The following MICU3 variants were observed in gnomAD, a reference collection of about 807,000 sequenced individuals.
MICU3 encodes calcium uptake protein 3, mitochondrial.
In MICU3, 62 loss-of-function variants were observed where a neutral mutation model predicts 66.5. The observed-to-expected ratio is 0.93, with a 90% confidence interval of 0.76 to 1.15. The LOEUF (loss-of-function observed/expected upper bound fraction) is 1.15, where lower values mean the gene tolerates loss of function less well. Ranked by LOEUF, MICU3 falls within the 50% of genes most tolerant of loss-of-function variation. The pLI, the probability that MICU3 is intolerant of heterozygous loss-of-function variation, is 0.00. For missense variants in MICU3, 779 were observed against 664.4 expected, an observed-to-expected ratio of 1.17 and a Z score of -1.90; for synonymous variants, 308 against 240.7, an observed-to-expected ratio of 1.28 and a Z score of -2.59.
intron 5 of MICU3, among the ~76,000 whole-genome samples, chr8:17,084,161 A>G (rs538909505): frequency 9.9e-5 from 15 of 152,262 alleles, no homozygotes; most frequent in African/African-American, 3.4e-4. Context: ...TTACCTATCT[A>G]TAAGTGTCTC....
At chr8:17,077,379 C>T (rs947177503) in intron 3 of MICU3, among the ~76,000 whole-genome samples, 3 of 152,132 alleles carry the variant, frequency 2.0e-5, no homozygotes, top group African/African-American at 7.2e-5. Context: ...AGAGACATTA[C>T]GTGAAGCCGG....
rs1820633363 is a variant in MICU3 at position 17,077,975 on chromosome 8, A to T, written c.646+114A>T. 4 of 532,670 alleles carry T rather than the reference A, an allele frequency of 7.5e-6. No homozygotes were observed. In the South Asian group the frequency reaches 1.8e-4, roughly 24 times the overall value. The allele number at this position is 532,670 out of a possible 1,614,324, so 33.0% of individuals were successfully genotyped here. A position where few individuals can be genotyped will look rare whatever the true frequency, so the allele number is the denominator to read the frequency against. On this transcript the variant is annotated intron_variant, in intron 4 of 14. Transcript: ENST00000318063. ...TTAAATTACATCTATGTGTATGCAT[A>T]GAGAAAAAACTGAAGAAGAAAACAG...
intron 4 of MICU3, among the ~76,000 whole-genome samples, chr8:17,081,272 T>A (rs78223679): frequency 0.039 from 5,906 of 152,222 alleles, 162 homozygotes; most frequent in Non-Finnish European, 0.057. Context: ...TTTATCCAAG[T>A]GTTACTAAAA....
the MICU3 span, among the ~76,000 whole-genome samples, chr8:17,127,797 A>G: frequency 6.6e-6 from 1 of 152,212 alleles, no homozygotes; most frequent in Admixed American, 6.5e-5. Context: ...CTGCTCCACA[A>G]TAGCTAAACC....
At chr8:17,079,521 T>C (rs887153071) in intron 4 of MICU3, among the ~76,000 whole-genome samples, 1 of 152,100 alleles carries the variant, frequency 6.6e-6, no homozygotes, top group African/African-American at 2.4e-5. Flanking sequence ...TATTGAAGAC[T>C]AATTTTATTT....
chr8:17,106,924 G>A (rs1475243050), intron 11 of MICU3, among the ~76,000 whole-genome samples: 2 of 151,834 alleles, frequency 1.3e-5, no homozygotes, highest in Non-Finnish European at 2.9e-5. Context: ...CCCTCCTTCC[G>A]CCTACTTAAC....
At chr8:17,122,830 A>C (rs1385490240), downstream of MICU3, among the ~76,000 whole-genome samples, 1 of 152,018 alleles carries the variant, frequency 6.6e-6, no homozygotes, top group African/African-American at 2.4e-5. Context: ...CAGAGCTATA[A>C]GGCTTCTCAA....
At chr8:17,115,118 CAAA>C (rs11312297) in intron 12 of MICU3, among the ~76,000 whole-genome samples, 6 of 123,540 alleles carry the variant, frequency 4.9e-5, no homozygotes, top group Admixed American at 8.0e-5. Flanking sequence ...GACTCCGTCT[CAAA>C]AAAAAAAAAA....
At chr8:17,087,713 A>G (rs1799618790) in intron 7 of MICU3, among the ~76,000 whole-genome samples, 1 of 152,074 alleles carries the variant, frequency 6.6e-6, no homozygotes, top group Non-Finnish European at 1.5e-5. Context: ...CCATAATTAT[A>G]GATGAGGAAA....
chr8:17,069,617 T>C, intron 2 of MICU3, 71 bp from the exon 3 acceptor site: 1 of 956,288 alleles, frequency 1.0e-6, no homozygotes, highest in Non-Finnish European at 1.5e-6. Context: ...TGGTTGTAGA[T>C]GGTTAGCAAA....
chr8:17,043,771 C>G (rs1814610732), intron 1 of MICU3, among the ~76,000 whole-genome samples: 1 of 152,134 alleles, frequency 6.6e-6, no homozygotes. Flanking sequence ...ACATAAAAGT[C>G]AAGTAAGAGT....
At chr8:17,086,062 A>G (rs1329209370) in intron 6 of MICU3, among the ~76,000 whole-genome samples, 1 of 151,932 alleles carries the variant, frequency 6.6e-6, no homozygotes, top group African/African-American at 2.4e-5. Context: ...CTCTGTCTTT[A>G]CCTACACTCT....
At position 17,049,347 on chromosome 8, in the gene MICU3, G is replaced by C. The variant is rs545141660; in HGVS notation, c.382-14737G>C. On this transcript the variant is annotated intron_variant, in intron 1 of 14. Coordinates refer to ENST00000318063, the MANE Select transcript of MICU3 (RefSeq NM_181723.3). ...AACTTATAGTGCCACAGAGGTTCTA[G>C]ATATTTATAAACTTTGTGCCTGGAG... Among the ~76,000 whole-genome samples, 32 of 152,270 alleles carry C rather than the reference G, an allele frequency of 2.1e-4. No individual in the cohort carries two copies. In the South Asian group the frequency reaches 6.4e-3, roughly 31 times the overall value.
At chr8:17,029,783 G>A (rs986939872) in intron 1 of MICU3, among the ~76,000 whole-genome samples, 8 of 152,146 alleles carry the variant, frequency 5.3e-5, no homozygotes, top group African/African-American at 1.7e-4. Flanking sequence ...ATGGAAATCC[G>A]TGTCTAAAAA....
intron 2 of MICU3, among the ~76,000 whole-genome samples, chr8:17,067,098 A>ACAATCAAAAAAGAT (rs147178779): frequency 0.039 from 5,919 of 152,312 alleles, 171 homozygotes; most frequent in Non-Finnish European, 0.059. Flanking sequence ...ATAATTAGGA[A>ACAATCAAAAAAGAT]CAATCACAAA....
the MICU3 span, chr8:17,131,577 G>C: frequency 6.6e-6 from 1 of 152,352 alleles, no homozygotes; most frequent in Non-Finnish European, 1.5e-5. Context: ...GTGGGGAGCA[G>C]TGACTTGGTT....
intron 4 of MICU3, 24 bp downstream of exon 4, chr8:17,077,885 CT>C (rs35482790): frequency 4.0e-6 from 6 of 1,481,932 alleles, no homozygotes; most frequent in African/African-American, 1.4e-5. Context: ...AGTACTTGTT[CT>C]TTTTTTAAAC....
chr8:17,048,784 C>T (rs191369455), intron 1 of MICU3, among the ~76,000 whole-genome samples: 2 of 152,096 alleles, frequency 1.3e-5, no homozygotes, highest in East Asian at 3.9e-4. Flanking sequence ...CCAGCTGATA[C>T]ATTTTTAAAA....
intron 8 of MICU3, among the ~76,000 whole-genome samples, chr8:17,095,808 CCCTTTCAGTCATATATGGCATGGAATG>C (rs1800616984): frequency 6.6e-6 from 1 of 151,786 alleles, no homozygotes; most frequent in African/African-American, 2.4e-5. Flanking sequence ...CTGCCTTCCT[CCCTTTCAGTCATATATGGCATGGAATG>C]CCTTGAATGG....
Sources: gnomAD v4.1 joint callset for allele counts (sites outside exome capture counted in the v4.1 genomes callset) on GRCh38, gnomAD v4.1.1 for gene constraint, MANE v1.5 for transcripts, NCBI Gene and HGNC (gene_info 2026-07-23, HGNC 2026-07-21) for gene names.